Variants in RANBP2 observed in about 807,000 individuals in gnomAD.
RANBP2 encodes the protein E3 SUMO-protein ligase RanBP2.
Under a neutral mutation model 303.6 loss-of-function variants are expected in RANBP2, and 57 were observed. The observed-to-expected ratio is 0.19, with a 90% CI of 0.15 to 0.23. RANBP2 has a LOEUF of 0.23. Ranked by LOEUF, RANBP2 falls within the 10% of genes least tolerant of loss-of-function variation. The pLI, the probability that RANBP2 is intolerant of heterozygous loss-of-function variation, is 1.00. For missense variants in RANBP2, 3,138 were observed against 3,780.8 expected (o/e 0.83, Z 4.46); for synonymous variants, 1,167 against 1,301.5 (o/e 0.90, Z 2.23).
the RANBP2 span, among the ~76,000 whole-genome samples, chr2:109,451,248 T>A: frequency 1.3e-5 from 2 of 152,234 alleles, no homozygotes; most frequent in African/African-American, 4.8e-5. Context: ...TGTTTGAAGA[T>A]CAGTTCAGTC....
the RANBP2 span, among the ~76,000 whole-genome samples, chr2:108,992,261 A>G: frequency 1.3e-5 from 2 of 152,204 alleles, no homozygotes; most frequent in Non-Finnish European, 2.9e-5. Flanking sequence ...GTACTGTTCC[A>G]GTTGCTGGGT....
the RANBP2 span, chr2:108,846,972 T>C: frequency 4.8e-5 from 52 of 1,086,690 alleles, no homozygotes; most frequent in Non-Finnish European, 7.2e-5. Flanking sequence ...TGAGAAACAA[T>C]AGAGAATATC....
chr2:109,039,219 T>C, the RANBP2 span, among the ~76,000 whole-genome samples: 2 of 152,232 alleles, frequency 1.3e-5, no homozygotes, highest in African/African-American at 4.8e-5. Context: ...GTCTCCAGCC[T>C]GCTGGTCTTT....
At chr2:109,519,325 T>G in the RANBP2 span, among the ~76,000 whole-genome samples, 6 of 152,228 alleles carry the variant, frequency 3.9e-5, no homozygotes, top group Admixed American at 2.6e-4. Flanking sequence ...CATGATCCAA[T>G]CACCTCCCAC....
chr2:108,798,589 A>G, the RANBP2 span: 4 of 1,594,904 alleles, frequency 2.5e-6, no homozygotes, highest in African/African-American at 5.4e-5. Flanking sequence ...TAAAAGAGGT[A>G]ACTATATAGC....
chr2:109,615,871 C>T, the RANBP2 span: 1 of 1,613,910 alleles, frequency 6.2e-7, no homozygotes, highest in Non-Finnish European at 8.5e-7. Context: ...CGCAAAGCCT[C>T]GGGCAGCTCT....
chr2:108,907,750 G>T, the RANBP2 span: 1 of 1,316,176 alleles, frequency 7.6e-7, no homozygotes, highest in South Asian at 1.2e-5. Context: ...TGGACTTCTG[G>T]GAGAAACACC....
At chr2:108,757,110 C>T (rs1193294038) in intron 17 of RANBP2, among the ~76,000 whole-genome samples, 1 of 152,158 alleles carries the variant, frequency 6.6e-6, no homozygotes, top group Non-Finnish European at 1.5e-5. Context: ...CTTGTTAGAA[C>T]TGGTCGGATT....
chr2:109,637,355 C>T, the RANBP2 span, among the ~76,000 whole-genome samples: 18 of 152,276 alleles, frequency 1.2e-4, no homozygotes, highest in Non-Finnish European at 2.5e-4. Context: ...CAGTGGCCTT[C>T]CTCTATCTCA....
At chr2:109,382,324 A>C in the RANBP2 span, among the ~76,000 whole-genome samples, 2 of 152,196 alleles carry the variant, frequency 1.3e-5, no homozygotes, top group African/African-American at 4.8e-5. Context: ...GGAAAGCTGC[A>C]GGCCCAGCCC....
At chr2:108,968,669 C>T in the RANBP2 span, among the ~76,000 whole-genome samples, 1 of 152,212 alleles carries the variant, frequency 6.6e-6, no homozygotes, top group Non-Finnish European at 1.5e-5. Flanking sequence ...TTCTTCTGCA[C>T]TGCTGTGCAC....
chr2:109,694,172 A>T, the RANBP2 span, among the ~76,000 whole-genome samples: 21 of 152,198 alleles, frequency 1.4e-4, no homozygotes, highest in Admixed American at 1.4e-3. Flanking sequence ...ATTTCTCATG[A>T]ATGGCTTGGC....
the RANBP2 span, among the ~76,000 whole-genome samples, chr2:109,099,858 T>C: frequency 6.6e-6 from 1 of 152,232 alleles, no homozygotes; most frequent in African/African-American, 2.4e-5. Context: ...TACTGGGGGT[T>C]CTAAACCTGC....
At chr2:108,863,508 G>C in the RANBP2 span, among the ~76,000 whole-genome samples, 6 of 152,308 alleles carry the variant, frequency 3.9e-5, no homozygotes, top group East Asian at 1.2e-3. Flanking sequence ...GAAACAAGCT[G>C]GGGTGCTCAT....
At chr2:109,025,042 G>A in the RANBP2 span, among the ~76,000 whole-genome samples, 1 of 152,014 alleles carries the variant, frequency 6.6e-6, no homozygotes, top group African/African-American at 2.4e-5. Flanking sequence ...GCTGGTAACC[G>A]TTCCCTCTAT....
At chr2:109,667,147 A>G in the RANBP2 span, 13 of 1,300,858 alleles carry the variant, frequency 1.0e-5, no homozygotes, top group South Asian at 1.6e-4. Context: ...ATCCTGAGGC[A>G]TAAGAAACAT....
chr2:109,028,839 C>G, the RANBP2 span, among the ~76,000 whole-genome samples: 1 of 152,212 alleles, frequency 6.6e-6, no homozygotes, highest in East Asian at 1.9e-4. Flanking sequence ...GCCTCACACT[C>G]TCAGGATCTG....
the RANBP2 span, among the ~76,000 whole-genome samples, chr2:109,049,569 C>A: frequency 6.6e-6 from 1 of 152,184 alleles, no homozygotes; most frequent in African/African-American, 2.4e-5. Context: ...TCAGAGGATG[C>A]TTCTCTTGGT....
chr2:109,280,785 C>T, the RANBP2 span, among the ~76,000 whole-genome samples: 8 of 152,222 alleles, frequency 5.3e-5, no homozygotes, highest in African/African-American at 1.4e-4. Flanking sequence ...CAGGGTTCAT[C>T]TCATTTCTCT....
Sources: gnomAD v4.1 joint callset for allele counts (sites outside exome capture counted in the v4.1 genomes callset) on GRCh38, gnomAD v4.1.1 for gene constraint, MANE v1.5 for transcripts, NCBI Gene and HGNC (gene_info 2026-07-23, HGNC 2026-07-21) for gene names.